Variants in SUMF1 observed in about 807,000 individuals in gnomAD.
SUMF1 encodes sulfatase modifying factor 1.
Under a neutral mutation model 47.6 loss-of-function variants are expected in SUMF1, and 48 were observed. The ratio of observed to expected loss-of-function variants is 1.01; its 90% CI spans 0.80 to 1.28. The LOEUF (loss-of-function observed/expected upper bound fraction) is 1.28. Among genes scored for constraint, SUMF1 ranks in the 50% most tolerant of loss-of-function variants. The pLI is 0.00. For missense variants in SUMF1, 571 were observed against 485.4 expected, an observed-to-expected ratio of 1.18 and a Z score of -1.66; for synonymous variants, 230 against 192.1, an observed-to-expected ratio of 1.20 and a Z score of -1.63.
intron 9 of SUMF1, among the ~76,000 whole-genome samples, chr3:4,036,020 G>C (rs56787702): frequency 2.8e-3 from 419 of 152,156 alleles, no homozygotes; most frequent in African/African-American, 9.7e-3. Context: ...TTTTTAATCT[G>C]ATATTTGTGA....
intron 8 of SUMF1, among the ~76,000 whole-genome samples, chr3:4,258,827 G>A (rs1347968982): frequency 1.5e-5 from 2 of 136,188 alleles, no homozygotes; most frequent in Admixed American, 7.3e-5. Context: ...TGTTTATTGC[G>A]GCATTATTCA....
chr3:4,252,410 T>C (rs1228628075), intron 8 of SUMF1, among the ~76,000 whole-genome samples: 2 of 151,832 alleles, frequency 1.3e-5, no homozygotes, highest in Middle Eastern at 3.2e-3. Flanking sequence ...TTTGTACAAC[T>C]TGCCTACATT....
intron 8 of SUMF1, among the ~76,000 whole-genome samples, chr3:4,277,960 G>T (rs1263430835): frequency 2.0e-5 from 3 of 152,030 alleles, no homozygotes; most frequent in Non-Finnish European, 2.9e-5. Flanking sequence ...TGCAGTTAAA[G>T]TACAGCAGTT....
chr3:4,465,492 A>C (rs1273067343), intron 1 of SUMF1, among the ~76,000 whole-genome samples: 1 of 151,858 alleles, frequency 6.6e-6, no homozygotes, highest in African/African-American at 2.4e-5. Context: ...AAAAAAAAAG[A>C]AAAGAAAAAA....
chr3:4,206,496 C>A (rs1248592659), intron 8 of SUMF1, among the ~76,000 whole-genome samples: 2 of 152,114 alleles, frequency 1.3e-5, no homozygotes, highest in African/African-American at 4.8e-5. Context: ...CACTGAGTTC[C>A]AATGCAAGTT....
chr3:4,081,384 C>A (rs1692556808), intron 8 of SUMF1, among the ~76,000 whole-genome samples: 1 of 152,108 alleles, frequency 6.6e-6, no homozygotes, highest in South Asian at 2.1e-4. Context: ...AGATCCCTGT[C>A]ATATTCTCAT....
intron 8 of SUMF1, among the ~76,000 whole-genome samples, chr3:4,252,625 G>C (rs909584372): frequency 6.6e-6 from 1 of 152,078 alleles, no homozygotes. Flanking sequence ...AAAAAACTAG[G>C]AAAGTTGAAA....
Position 4,289,367 on chromosome 3 carries a change from A to T in SUMF1, c.1014+86963T>A, listed in dbSNP as rs1241920477. Among the ~76,000 whole-genome samples the T allele has an allele frequency of 8.5e-5, 13 of 152,146 alleles. No homozygotes were observed. In the East Asian group the frequency reaches 2.5e-3, roughly 29 times the overall value. The stretch of plus-strand genomic sequence containing the variant: ...CAATCCTATGAGACTGGCATTATCA[A>T]CCTCATTTTATGGGTGAGGAAAGAG... On this transcript the variant is annotated intron_variant and NMD_transcript_variant, in intron 8 of 12. Transcript: ENST00000448413.
At chr3:4,325,091 A>G (rs1049436258) in intron 8 of SUMF1, among the ~76,000 whole-genome samples, 1 of 152,126 alleles carries the variant, frequency 6.6e-6, no homozygotes, top group Non-Finnish European at 1.5e-5. Flanking sequence ...CAAGATCAGC[A>G]TGGAAAAGAC....
At chr3:4,300,674 A>G (rs933289287) in intron 8 of SUMF1, among the ~76,000 whole-genome samples, 2 of 152,090 alleles carry the variant, frequency 1.3e-5, no homozygotes, top group African/African-American at 4.8e-5. Context: ...AGACTTGGAG[A>G]AAAAAAAGCA....
chr3:4,170,836 AAGG>A (rs1324288944), intron 8 of SUMF1, among the ~76,000 whole-genome samples: 6 of 152,210 alleles, frequency 3.9e-5, no homozygotes, highest in African/African-American at 1.4e-4. Flanking sequence ...TTAGTACAAA[AAGG>A]AGAATAGCCA....
intron 8 of SUMF1, among the ~76,000 whole-genome samples, chr3:4,191,716 T>C (rs1228357638): frequency 6.6e-6 from 1 of 152,144 alleles, no homozygotes; most frequent in East Asian, 1.9e-4. Flanking sequence ...TCTAGATTTT[T>C]GGATTGAACA....
chr3:4,217,552 AACTAG>A (rs1351091598), intron 8 of SUMF1, among the ~76,000 whole-genome samples: 2 of 93,160 alleles, frequency 2.1e-5, no homozygotes, highest in African/African-American at 5.1e-5. Flanking sequence ...AGAAAAAGAA[AACTAG>A]ACTAACTGTG....
At chr3:4,149,541 A>T (rs1268205151) in intron 8 of SUMF1, among the ~76,000 whole-genome samples, 3 of 152,250 alleles carry the variant, frequency 2.0e-5, no homozygotes, top group East Asian at 1.9e-4. Flanking sequence ...TTCTGGAGGC[A>T]ACATGTTCCT....
chr3:4,064,043 C>T (rs890684197), intron 9 of SUMF1, among the ~76,000 whole-genome samples: 5 of 151,936 alleles, frequency 3.3e-5, no homozygotes, highest in African/African-American at 9.7e-5. Context: ...AGATAATGGC[C>T]CTGTCAGAGG....
Position 4,466,143 on chromosome 3 carries a change from G to C in SUMF1, c.270+833C>G, listed in dbSNP as rs376247778. Among the ~76,000 whole-genome samples, 4 of 143,676 alleles carry C rather than the reference G, an allele frequency of 2.8e-5. No homozygotes were observed. The East Asian group carries it at 8.1e-4, about 29-fold the overall frequency. 94.3% of individuals were successfully genotyped at this position (143,676 alleles called of 152,430 possible). On this transcript the variant is annotated intron_variant, in intron 1 of 8. Transcript: ENST00000272902. ...TTTTTTTTTTTCGAGACGGAGTCTC[G>C]CCCTGTCGCCCAGGCTGGAGTGCAG... is the stretch of plus-strand genomic sequence containing the variant.
At chr3:4,286,464 G>C (rs768184709) in intron 8 of SUMF1, among the ~76,000 whole-genome samples, 2 of 152,050 alleles carry the variant, frequency 1.3e-5, no homozygotes, top group Non-Finnish European at 2.9e-5. Flanking sequence ...ACTAATTTTA[G>C]CTCTGGAATG....
Position 4,086,215 on chromosome 3 carries a change from GAAAA to G in SUMF1, c.1015-17474_1015-17471del, listed in dbSNP as rs140931896. Among the ~76,000 whole-genome samples, 151 of 102,328 alleles carry G rather than the reference GAAAA, an allele frequency of 1.5e-3. 1 individual carries two copies. The highest frequency in any genetic ancestry group is 0.01 in the Admixed American group (100 of 9,996). 67.1% of individuals were successfully genotyped at this position (102,328 alleles called of 152,430 possible). A position where few individuals can be genotyped will look rare whatever the true frequency, so the allele number is the denominator to read the frequency against. On this transcript the variant is annotated intron_variant and NMD_transcript_variant, in intron 8 of 12. Coordinates refer to the SUMF1 transcript ENST00000448413. ...TGCAGTGTTTATACACTTAGAATCA[GAAAA>G]AAAAAAAAAACAGAATTATTGTCAT...
intron 8 of SUMF1, among the ~76,000 whole-genome samples, chr3:4,075,751 G>C (rs1692418959): frequency 6.6e-6 from 1 of 151,948 alleles, no homozygotes; most frequent in Admixed American, 6.6e-5. Context: ...GCTACAAACA[G>C]AATAAAATAC....
Sources: gnomAD v4.1 joint callset for allele counts (sites outside exome capture counted in the v4.1 genomes callset) on GRCh38, gnomAD v4.1.1 for gene constraint, MANE v1.5 for transcripts, NCBI Gene and HGNC (gene_info 2026-07-23, HGNC 2026-07-21) for gene names.